ABI3BP: variants seen among roughly 807,000 people sequenced by gnomAD.
ABI3BP encodes ABI family member 3 binding protein.
In ABI3BP, 216 loss-of-function variants were observed where a neutral mutation model predicts 268.6. The observed-to-expected ratio is 0.80, with a 90% CI of 0.72 to 0.90. The LOEUF (loss-of-function observed/expected upper bound fraction) is 0.90, where lower values mean the gene tolerates loss of function less well. Among genes scored for constraint, ABI3BP ranks in the 40% least tolerant of loss-of-function variants. The probability of loss-of-function intolerance (pLI) is 0.00; values close to 1 mark genes in which losing one functional copy is unlikely to be tolerated. For missense variants in ABI3BP, 2,090 were observed against 2,182.4 expected, an observed-to-expected ratio of 0.96 and a Z score of 0.84; for synonymous variants, 730 against 730.0, an observed-to-expected ratio of 1.00 and a Z score of 0.00.
chr3:100,770,825 G>T lies in ABI3BP; in HGVS notation c.4659C>A (p.Thr1553=). The T allele has an allele frequency of 6.3e-7, 1 of 1,599,508 alleles. No homozygotes were observed. Among genetic ancestry groups the T allele is most frequent in the Non-Finnish European group, 8.5e-7 (1 of 1,173,200 alleles). Residue 1553 remains threonine, a synonymous_variant, in exon 62 of 68, where the codon ACC becomes ACA. Coordinates refer to ENST00000471714, the MANE Select transcript of ABI3BP (RefSeq NM_001375547.2). The stretch of plus-strand genomic sequence containing the variant: ...CTTCCACGGTGACCACAGTGAGGTT[G>T]GTGGGTGGGTTCTGTGGTGGGCTGG... ...NATSPPQNPP[T]NLTVVTVEGC... is the part of the protein sequence containing the mutation.
chr3:100,875,428 T>A, intron 8 of ABI3BP, 80 bp downstream of exon 8: 1 of 1,096,646 alleles, frequency 9.1e-7, no homozygotes, highest in Non-Finnish European at 1.4e-6. Context: ...CTACTCACAC[T>A]GCAAAACTCC....
At position 100,749,996 on chromosome 3, in the gene ABI3BP, T is replaced by C. The variant is rs1033363729; in HGVS notation, c.*499A>G. ...GAAGTTTAAATATAAAAAATTGAAG[T>C]TTAAATATAAATGTGAAAATTCGGA... On this transcript the variant is annotated 3_prime_UTR_variant, in exon 68 of 68. Transcript: ENST00000471714. 2.9e-6 allele frequency: 1 copy of C among 346,988 alleles called. No homozygotes were observed. The highest frequency in any genetic ancestry group is 2.1e-5 in the African/African-American group (1 of 47,714). 21.5% of individuals were successfully genotyped at this position (346,988 alleles called of 1,614,324 possible).
At chr3:100,878,456 T>C (rs748826743) in intron 6 of ABI3BP, among the ~76,000 whole-genome samples, 13 of 152,236 alleles carry the variant, frequency 8.5e-5, no homozygotes, top group Admixed American at 1.3e-4. Flanking sequence ...TCTGTTTAGC[T>C]ACCACACATG....
In ABI3BP at chr3:100,993,226, CA is replaced by C. The variant is rs1323962563; in HGVS notation, c.79+79del. On this transcript the variant is annotated intron_variant, in intron 1 of 67. Transcript: ENST00000471714. ...ACTCTATTCCCCCCGTATGGTAAAG[CA>C]GATCATATTTAAAATCAACATTTAA... 4 of 1,024,930 alleles carry C rather than the reference CA, an allele frequency of 3.9e-6. No homozygotes were observed. In the African/African-American group the frequency reaches 6.4e-5, roughly 17 times the overall value. 63.5% of individuals were successfully genotyped at this position (1,024,930 alleles called of 1,614,324 possible).
intron 48 of ABI3BP, among the ~76,000 whole-genome samples, chr3:100,810,727 A>G (rs748090168): frequency 9.6e-4 from 146 of 152,148 alleles, no homozygotes; most frequent in Non-Finnish European, 1.8e-3. Context: ...TGCTACAAAG[A>G]TATATTCAAT....
intron 66 of ABI3BP, among the ~76,000 whole-genome samples, chr3:100,752,258 C>A (rs930268396): frequency 3.3e-5 from 5 of 152,086 alleles, no homozygotes; most frequent in Non-Finnish European, 7.4e-5. Flanking sequence ...TAGGAAATAT[C>A]TTTTATGCTG....
Position 100,813,663 on chromosome 3 carries a change from G to C in ABI3BP, c.3362C>G (p.Pro1121Arg), listed in dbSNP as rs76459464. 19 of 1,533,980 alleles carry C rather than the reference G, an allele frequency of 1.2e-5. No homozygotes were observed. In the Admixed American group the frequency reaches 2.4e-4, roughly 19 times the overall value. Reference protein sequence around the residue: ...SPSLEMTESQPVSDVLESVTL... With the variant: ...SPSLEMTESQRVSDVLESVTL... ...GACAGATAAAACAATCTATTTACCA[G>C]GTTGACTTTCTGTCATTTCTAGGCT... The change falls in exon 45 of 68, where the codon CCT becomes CGT. Residue 1121 changes from proline to arginine, a missense_variant and splice_region_variant. Physicochemically the swap from Pro to Arg is moderately radical, Grantham distance 103. Transcript: ENST00000471714.
intron 26 of ABI3BP, 102 bp downstream of exon 26, chr3:100,838,108 T>A (rs980645630): frequency 1.6e-5 from 21 of 1,296,308 alleles, no homozygotes; most frequent in Non-Finnish European, 2.1e-5. Context: ...AATTATGGTA[T>A]TTGGATTTCT....
At position 100,811,112 on chromosome 3, in the gene ABI3BP, G is replaced by A. The variant is rs1049771685; in HGVS notation, c.3541+118C>T. On this transcript the variant is annotated intron_variant, in intron 48 of 67. Coordinates refer to ENST00000471714, the MANE Select transcript of ABI3BP (RefSeq NM_001375547.2). Reference sequence around the variant, plus strand: ...GGAGCACCTTGAAAGAAAAGTAACTGCCATGGCGAAGAGTGACGGTGTAAC... The same window carrying A: ...GGAGCACCTTGAAAGAAAAGTAACTACCATGGCGAAGAGTGACGGTGTAAC... The A allele has an allele frequency of 1.7e-5, 13 of 786,780 alleles. No individual in the cohort carries two copies. In the African/African-American group the frequency reaches 1.8e-4, roughly 11 times the overall value. 48.7% of individuals were successfully genotyped at this position (786,780 alleles called of 1,614,324 possible). A position where few individuals can be genotyped will look rare whatever the true frequency, so the allele number is the denominator to read the frequency against.
intron 40 of ABI3BP, 90 bp downstream of exon 40, chr3:100,820,130 C>G: frequency 8.7e-7 from 1 of 1,154,998 alleles, no homozygotes; most frequent in Non-Finnish European, 1.2e-6. Context: ...ACATGGTACT[C>G]ACACAGGCCA....
At chr3:100,886,382 C>T in intron 4 of ABI3BP, 59 bp from the exon 5 acceptor site, 1 of 1,241,874 alleles carries the variant, frequency 8.1e-7, no homozygotes, top group Non-Finnish European at 1.1e-6. Flanking sequence ...AATGTTATTT[C>T]AAATTTCTTA....
At chr3:100,895,397 C>A (rs117974326) in intron 4 of ABI3BP, among the ~76,000 whole-genome samples, 1 of 152,240 alleles carries the variant, frequency 6.6e-6, no homozygotes, top group East Asian at 1.9e-4. Context: ...TACTTCCAAG[C>A]TAAAAACAAA....
At chr3:100,906,672 A>T (rs866441828) in intron 2 of ABI3BP, among the ~76,000 whole-genome samples, 1 of 152,256 alleles carries the variant, frequency 6.6e-6, no homozygotes, top group African/African-American at 2.4e-5. Context: ...ACAATGTTGC[A>T]GACTAATTAA....
intron 1 of ABI3BP, among the ~76,000 whole-genome samples, chr3:100,986,911 T>G (rs1265338579): frequency 6.6e-6 from 1 of 152,204 alleles, no homozygotes; most frequent in Admixed American, 6.5e-5. Context: ...TATCAATTAT[T>G]GTTTTTCTAT....
chr3:100,929,746 G>A (rs1362389586), intron 1 of ABI3BP, among the ~76,000 whole-genome samples: 1 of 151,928 alleles, frequency 6.6e-6, no homozygotes, highest in Non-Finnish European at 1.5e-5. Context: ...TGAGGCTTTG[G>A]CCCTACACCT....
At chr3:100,929,512 G>A (rs902175417) in intron 1 of ABI3BP, among the ~76,000 whole-genome samples, 5 of 152,050 alleles carry the variant, frequency 3.3e-5, no homozygotes, top group Admixed American at 2.6e-4. Flanking sequence ...ACTCTCTCGA[G>A]CTAAATTTAA....
intron 2 of ABI3BP, among the ~76,000 whole-genome samples, chr3:100,919,536 A>G (rs961529141): frequency 2.6e-5 from 4 of 152,218 alleles, no homozygotes; most frequent in Non-Finnish European, 5.9e-5. Flanking sequence ...TAAGCATACA[A>G]TTTATACTGA....
rs1264506787 is a variant in ABI3BP at position 100,816,782 on chromosome 3, C to A, written c.3149-14G>T. The A allele has an allele frequency of 6.5e-7, 1 of 1,534,818 alleles. No individual in the cohort carries two copies. Among genetic ancestry groups the A allele is most frequent in the African/African-American group, 1.4e-5 (1 of 72,996 alleles). ...GTGTTTTAGGAGCTGAAGGAAGAAA[C>A]TTTGGATTACTCTAGTGCAGGTGGC... On this transcript the variant is annotated splice_polypyrimidine_tract_variant and intron_variant, in intron 42 of 67. Coordinates refer to ENST00000471714, the MANE Select transcript of ABI3BP (RefSeq NM_001375547.2).
intron 4 of ABI3BP, among the ~76,000 whole-genome samples, chr3:100,895,028 C>T (rs2047021302): frequency 7.0e-6 from 1 of 143,138 alleles, no homozygotes; most frequent in African/African-American, 2.6e-5. Flanking sequence ...CTAAACTATT[C>T]ATAAAGCTTT....
Sources: allele counts gnomAD v4.1 joint callset (sites outside exome capture counted in the v4.1 genomes callset), GRCh38; gene constraint gnomAD v4.1.1; transcripts MANE v1.5; gene names NCBI Gene and HGNC (gene_info 2026-07-23, HGNC 2026-07-21).